Variants in RFX8 observed in about 807,000 individuals in gnomAD.
The protein encoded by RFX8 is regulatory factor X8.
In RFX8, 46 loss-of-function variants were observed where a neutral mutation model predicts 54.6. The ratio of observed to expected loss-of-function variants is 0.84; its 90% CI spans 0.67 to 1.08. RFX8 has a LOEUF of 1.08. Among genes scored for constraint, RFX8 ranks in the 50% least tolerant of loss-of-function variants. The pLI, the probability that RFX8 is intolerant of heterozygous loss-of-function variation, is 0.00. For synonymous variants in RFX8, 192 were observed against 209.5 expected (o/e 0.92, Z 0.72); for missense variants, 536 against 562.3 (o/e 0.95, Z 0.47).
At chr2:101,420,120 G>T in intron 4 of RFX8, among the ~76,000 whole-genome samples, 1 of 152,038 alleles carries the variant, frequency 6.6e-6, no homozygotes, top group African/African-American at 2.4e-5. Context: ...GTTCCACGAC[G>T]GCCAAGCCCT....
At chr2:101,423,854 C>G (rs993824361) in intron 2 of RFX8, among the ~76,000 whole-genome samples, 3 of 152,108 alleles carry the variant, frequency 2.0e-5, no homozygotes, top group African/African-American at 7.2e-5. Flanking sequence ...CTCTCCGATG[C>G]CCCAGTATCA....
At chr2:101,423,896 A>G (rs955057518) in intron 2 of RFX8, among the ~76,000 whole-genome samples, 2 of 152,190 alleles carry the variant, frequency 1.3e-5, no homozygotes, top group African/African-American at 4.8e-5. Flanking sequence ...ACAGAAGTTT[A>G]GAGAGCATGT....
rs17025600 is a variant in RFX8, at chr2:101,434,065, C to T, written c.73-11593G>A. On this transcript the variant is annotated intron_variant, in intron 2 of 11. Transcript: ENST00000428343. The stretch of plus-strand genomic sequence containing the variant: ...TCCTAAATGTGTTACTTGTTTTACC[C>T]TAGTTCTCATGAACACCTGTTAGTA... 6.1e-3 allele frequency among the ~76,000 whole-genome samples: 921 copies of T among 152,140 alleles called. 9 individuals carry two copies. The highest frequency in any genetic ancestry group is 0.021 in the African/African-American group (873 of 41,454).
At chr2:101,411,994 G>A (rs1686160658) in intron 8 of RFX8, among the ~76,000 whole-genome samples, 1 of 152,118 alleles carries the variant, frequency 6.6e-6, no homozygotes, top group Admixed American at 6.5e-5. Flanking sequence ...GGTGGCCCAG[G>A]GTGAATAAGA....
chr2:101,461,506 A>G (rs928107798), intron 2 of RFX8, among the ~76,000 whole-genome samples: 1 of 152,164 alleles, frequency 6.6e-6, no homozygotes, highest in African/African-American at 2.4e-5. Flanking sequence ...ATGAGAAAGT[A>G]TGCAGCAGGC....
rs1403054555 is a variant in RFX8 at position 101,413,065 on chromosome 2, G to C, written c.568C>G (p.Arg190Gly). The change falls in exon 8 of 12, where the codon CGA (arginine) becomes GGA (glycine). Residue 190 changes from arginine to glycine, a missense_variant. Arg to Gly is a moderately radical substitution (Grantham distance 125, BLOSUM62 -2). Coordinates refer to ENST00000428343, the MANE Select transcript of RFX8 (RefSeq NM_001145664.2). Reference sequence around the variant, plus strand: ...CGCCTCTTACTTTTCAATACCATTCGCATAGTCTAAAGATAACAGGGAGGC... The same window carrying C: ...CGCCTCTTACTTTTCAATACCATTCCCATAGTCTAAAGATAACAGGGAGGC... Reference protein sequence around the residue: ...TYLSNMAKTMRMVLKSKRRVS... With the variant: ...TYLSNMAKTMGMVLKSKRRVS... 2.6e-6 allele frequency: 4 copies of C among 1,551,286 alleles called. No homozygotes were observed. The highest frequency in any genetic ancestry group is 2.6e-6 in the Non-Finnish European group (3 of 1,146,700).
At chr2:101,458,393 A>G (rs1430564614) in intron 2 of RFX8, among the ~76,000 whole-genome samples, 3 of 152,188 alleles carry the variant, frequency 2.0e-5, no homozygotes. Flanking sequence ...GAGCTCTTGT[A>G]AGACAGGCCT....
chr2:101,443,984 C>A (rs1688237352), intron 2 of RFX8, among the ~76,000 whole-genome samples: 1 of 152,082 alleles, frequency 6.6e-6, no homozygotes. Flanking sequence ...CCTGCCAGTG[C>A]TCTGGGTATG....
chr2:101,444,141 C>A (rs1484303209), intron 2 of RFX8, among the ~76,000 whole-genome samples: 1 of 152,196 alleles, frequency 6.6e-6, no homozygotes, highest in African/African-American at 2.4e-5. Context: ...TCCCTCCTTA[C>A]ACCAAGGGGC....
At chr2:101,404,267 A>G (rs12105060) in intron 10 of RFX8, among the ~76,000 whole-genome samples, 117 of 152,334 alleles carry the variant, frequency 7.7e-4, no homozygotes, top group African/African-American at 2.5e-3. Context: ...CGTGGAAGGC[A>G]TGACCTTGCC....
intron 2 of RFX8, among the ~76,000 whole-genome samples, chr2:101,431,617 G>A (rs1054875780): frequency 6.6e-6 from 1 of 152,154 alleles, no homozygotes; most frequent in Non-Finnish European, 1.5e-5. Flanking sequence ...AGACTTAAAG[G>A]AACGACAAGG....
intron 2 of RFX8, among the ~76,000 whole-genome samples, chr2:101,461,137 C>T (rs772840865): frequency 6.0e-5 from 9 of 151,192 alleles, no homozygotes; most frequent in Admixed American, 6.6e-5. Flanking sequence ...GGCATGGTAG[C>T]GGGCACCTGT....
chr2:101,451,771 C>G (rs979533625), intron 2 of RFX8, among the ~76,000 whole-genome samples: 1 of 150,570 alleles, frequency 6.6e-6, no homozygotes, highest in Non-Finnish European at 1.5e-5. Flanking sequence ...ATTTTGTGAA[C>G]ACAGAAACTT....
chr2:101,442,793 GT>G (rs1416552309), intron 2 of RFX8, among the ~76,000 whole-genome samples: 1 of 152,084 alleles, frequency 6.6e-6, no homozygotes, highest in Non-Finnish European at 1.5e-5. Context: ...AGGGAGAAGG[GT>G]TTCCCCAGGC....
chr2:101,437,647 G>T (rs1219388987), intron 2 of RFX8, among the ~76,000 whole-genome samples: 2 of 151,810 alleles, frequency 1.3e-5, no homozygotes, highest in African/African-American at 2.4e-5. Context: ...AGGAAGGAAA[G>T]AAATAATTCA....
intron 2 of RFX8, among the ~76,000 whole-genome samples, chr2:101,430,104 A>G (rs2104609294): frequency 6.6e-6 from 1 of 152,342 alleles, no homozygotes; most frequent in African/African-American, 2.4e-5. Context: ...AACCCACTAG[A>G]AAGGCACTCT....
chr2:101,455,177 A>T (rs7597852), intron 2 of RFX8, among the ~76,000 whole-genome samples: 52,356 of 151,554 alleles, frequency 0.35, 9,705 homozygotes, highest in African/African-American at 0.44. Context: ...CACTCAGCTA[A>T]TTTTTTGTAT....
intron 2 of RFX8, among the ~76,000 whole-genome samples, chr2:101,423,264 A>G (rs563237251): frequency 6.6e-6 from 1 of 151,476 alleles, no homozygotes; most frequent in Non-Finnish European, 1.5e-5. Context: ...CATCTCAAAA[A>G]AAAAAAAAAA....
chr2:101,450,416 A>T (rs4851448), intron 2 of RFX8, among the ~76,000 whole-genome samples: 114,912 of 151,800 alleles, frequency 0.76, 44,422 homozygotes, highest in Middle Eastern at 0.88. Flanking sequence ...AGAGATGGAG[A>T]TTTGCCATGT....
Sources: gnomAD v4.1 joint callset for allele counts (sites outside exome capture counted in the v4.1 genomes callset) on GRCh38, gnomAD v4.1.1 for gene constraint, MANE v1.5 for transcripts, NCBI Gene and HGNC (gene_info 2026-07-23, HGNC 2026-07-21) for gene names.